AK1: variants seen among roughly 807,000 people sequenced by gnomAD.
AK1 encodes the protein adenylate kinase isoenzyme 1.
Under a neutral mutation model 23.9 loss-of-function variants are expected in AK1, and 13 were observed. That is an observed-to-expected ratio of 0.54 (90% CI 0.35 to 0.86). The LOEUF (loss-of-function observed/expected upper bound fraction) is 0.86. AK1 is among the 40% of genes least tolerant of loss of function. The pLI is 0.01. For synonymous variants in AK1, 97 were observed against 102.8 expected, an observed-to-expected ratio of 0.94 and a Z score of 0.34; for missense variants, 214 against 255.1, an observed-to-expected ratio of 0.84 and a Z score of 1.10.
At chr9:127,876,826 C>T (rs571321082) in intron 1 of AK1, among the ~76,000 whole-genome samples, 2 of 152,322 alleles carry the variant, frequency 1.3e-5, no homozygotes, top group South Asian at 2.1e-4. Context: ...GCCCCTGGGT[C>T]AAGGCCCCAG....
In AK1 at chr9:127,868,612, G is replaced by T; in HGVS notation, c.325-100C>A. ...TGAAGCCCCAGTAGATACCCCCTCA[G>T]ACCTTCAATCCCTTCCCCAAGGCAG... is the stretch of plus-strand genomic sequence containing the variant. On this transcript the variant is annotated intron_variant, in intron 5 of 6. Coordinates refer to ENST00000644144, the MANE Select transcript of AK1 (RefSeq NM_000476.3). This position sits in a 1 kb window ranked among gnomAD's most constrained non-coding sequence, Gnocchi z 4.1. 7.4e-7 allele frequency: 1 copy of T among 1,358,062 alleles called. No individual in the cohort carries two copies. The highest frequency in any genetic ancestry group is 1.0e-6 in the Non-Finnish European group (1 of 983,908). 84.1% of individuals were successfully genotyped at this position (1,358,062 alleles called of 1,614,324 possible).
rs2070690 is a variant in AK1 at position 127,872,973 on chromosome 9, C to T, written c.43+53G>A. On this transcript the variant is annotated intron_variant, in intron 3 of 6. Transcript: ENST00000644144. ...AGGGTGCAGCCCCAGGCCCGGGCTCCCTCCAGTGCCAGTGAAGACCCTTGC... is the reference window on the plus strand; with the variant it reads ...AGGGTGCAGCCCCAGGCCCGGGCTCTCTCCAGTGCCAGTGAAGACCCTTGC... 0.021 allele frequency: 33,148 copies of T among 1,613,678 alleles called. 1,758 individuals are homozygous for T. The East Asian group carries it at 0.25, about 12-fold the overall frequency.
At position 127,872,050 on chromosome 9, in the gene AK1, T is replaced by C. The variant is rs999860360; in HGVS notation, c.208-111A>G. ...TGAAATGCCCTCTCCCCAACACAAATGTCCCAAACAAGCCTCCCCCTCCAG... is the reference window on the plus strand; with the variant it reads ...TGAAATGCCCTCTCCCCAACACAAACGTCCCAAACAAGCCTCCCCCTCCAG... On this transcript the variant is annotated intron_variant, in intron 4 of 6. Coordinates refer to ENST00000644144, the MANE Select transcript of AK1 (RefSeq NM_000476.3). The C allele has an allele frequency of 1.3e-5, 12 of 920,768 alleles. No homozygotes were observed. In the Admixed American group the frequency reaches 1.6e-4, roughly 13 times the overall value. The allele number at this position is 920,768 out of a possible 1,614,324, so 57.0% of individuals were successfully genotyped here.
intron 5 of AK1, among the ~76,000 whole-genome samples, chr9:127,870,070 C>T (rs530910839): frequency 2.6e-5 from 4 of 152,144 alleles, no homozygotes; most frequent in Non-Finnish European, 5.9e-5. Context: ...TCGGTGAAGC[C>T]CTGGCGCCCC....
chr9:127,879,100 C>CACACACACAG (rs759591036), upstream of AK1, among the ~76,000 whole-genome samples: 20 of 145,854 alleles, frequency 1.4e-4, no homozygotes, highest in African/African-American at 4.7e-4. Flanking sequence ...CACACACACA[C>CACACACACAG]AGTCTTCAAA....
At chr9:127,875,976 C>T (rs1829529081) in intron 1 of AK1, among the ~76,000 whole-genome samples, 1 of 152,246 alleles carries the variant, frequency 6.6e-6, no homozygotes, top group Non-Finnish European at 1.5e-5. Context: ...CCACATCACA[C>T]ACCCGCTTAC....
chr9:127,868,645 G>T lies in AK1; in HGVS notation c.325-133C>A. 1 of 1,059,466 alleles carries T rather than the reference G, an allele frequency of 9.4e-7. No homozygotes were observed. 65.6% of individuals were successfully genotyped at this position (1,059,466 alleles called of 1,614,324 possible). The stretch of plus-strand genomic sequence containing the variant: ...ATCCCTTCCCCAAGGCAGCCTGAAA[G>T]ACCTTCCTAAAACCAATCTTTCCTG... On this transcript the variant is annotated intron_variant, in intron 5 of 6. Transcript: ENST00000644144. The surrounding 1 kb of genome is among the most constrained non-coding windows in gnomAD (Gnocchi z 4.1).
chr9:127,870,818 TGG>T (rs1564472162), intron 5 of AK1, among the ~76,000 whole-genome samples: 457 of 17,372 alleles, frequency 0.026, no homozygotes, highest in African/African-American at 0.041. Flanking sequence ...GGCATGGGAA[TGG>T]GGCATGGGAA....
Position 127,867,086 on chromosome 9 carries a change from T to C in AK1, c.*922A>G, listed in dbSNP as rs10987762. 0.13 allele frequency: 20,013 copies of C among 149,958 alleles called. 1,875 individuals are homozygous for C. The highest frequency in any genetic ancestry group is 0.26 in the African/African-American group (10,675 of 40,526). 9.3% of individuals were successfully genotyped at this position (149,958 alleles called of 1,614,324 possible). A position where few individuals can be genotyped will look rare whatever the true frequency, so the allele number is the denominator to read the frequency against. On this transcript the variant is annotated 3_prime_UTR_variant, in exon 7 of 7. Transcript: ENST00000644144. ...AGTGCAGTGGCGCAATCTTGGCTCA[T>C]TGCAAGCTCCACCTCCCGGGTTCAC... is the stretch of plus-strand genomic sequence containing the variant.
chr9:127,869,673 G>A (rs935153027), intron 5 of AK1, among the ~76,000 whole-genome samples: 2 of 152,210 alleles, frequency 1.3e-5, no homozygotes, highest in South Asian at 4.1e-4. Flanking sequence ...AGATGACTCC[G>A]TACCACCCAG....
rs1564475339 is a variant in AK1 at position 127,877,144 on chromosome 9, G to A, written c.-33+479C>T. Among the ~76,000 whole-genome samples, 1 of 152,172 alleles carries A rather than the reference G, an allele frequency of 6.6e-6. No individual in the cohort carries two copies. Among genetic ancestry groups the A allele is most frequent in the Non-Finnish European group, 1.5e-5 (1 of 68,016 alleles). On this transcript the variant is annotated intron_variant, in intron 1 of 6. Coordinates refer to ENST00000644144, the MANE Select transcript of AK1 (RefSeq NM_000476.3). This position sits in a 1 kb window ranked among gnomAD's most constrained non-coding sequence, Gnocchi z 5.2. ...CCCAAGCGCTGGCCCTGGTCAGGAG[G>A]CTAGGGCAAGCTCTGAGCATCCAGG...
chr9:127,871,132 C>T lies in AK1; in HGVS notation c.324+691G>A, dbSNP rs556587405. Among the ~76,000 whole-genome samples, 26 of 151,694 alleles carry T rather than the reference C, an allele frequency of 1.7e-4. No individual in the cohort carries two copies. The highest frequency in any genetic ancestry group is 3.7e-4 in the Non-Finnish European group (25 of 68,034). On this transcript the variant is annotated intron_variant, in intron 5 of 6. Transcript: ENST00000644144. The surrounding 1 kb of genome is among the most constrained non-coding windows in gnomAD (Gnocchi z 4.4). ...GCCTTGTGTGTATGAACTTGTGGGG[C>T]TTGTGCATGTGTATGTGCAAGCGTC...
At position 127,868,208 on chromosome 9, in the gene AK1, G is replaced by T; in HGVS notation, c.516+113C>A. 6.9e-7 allele frequency: 1 copy of T among 1,446,128 alleles called. No individual in the cohort carries two copies. Among genetic ancestry groups the T allele is most frequent in the South Asian group, 1.2e-5 (1 of 83,268 alleles). 89.6% of individuals were successfully genotyped at this position (1,446,128 alleles called of 1,614,324 possible). On this transcript the variant is annotated intron_variant, in intron 6 of 6. Transcript: ENST00000644144. The surrounding 1 kb of genome is among the most constrained non-coding windows in gnomAD (Gnocchi z 4.1). ...GACAGCAGCCCCTCATTGAACCAGTGGGGAAACCAAGGCCCAGAGAGAGGG... is the reference window on the plus strand; with the variant it reads ...GACAGCAGCCCCTCATTGAACCAGTTGGGAAACCAAGGCCCAGAGAGAGGG...
rs1048997300 is a variant in AK1 at position 127,868,167 on chromosome 9, C to T, written c.517-91G>A. ...GCCCCAGAGACCAGGCCTGCCTCCC[C>T]GAGCCCAACCTAATTGACAGCAGCC... On this transcript the variant is annotated intron_variant, in intron 6 of 6. Transcript: ENST00000644144. This position sits in a 1 kb window ranked among gnomAD's most constrained non-coding sequence, Gnocchi z 4.1. 5.8e-5 allele frequency: 87 copies of T among 1,509,294 alleles called. No individual in the cohort carries two copies. The highest frequency in any genetic ancestry group is 7.7e-5 in the Non-Finnish European group (84 of 1,091,806). The allele number at this position is 1,509,294 out of a possible 1,614,324, so 93.5% of individuals were successfully genotyped here. A position where few individuals can be genotyped will look rare whatever the true frequency, so the allele number is the denominator to read the frequency against.
In AK1 at chr9:127,868,595, C is replaced by G; in HGVS notation, c.325-83G>C. ...CCCCATCTTCCCATCTATGAAGCCC[C>G]AGTAGATACCCCCTCAGACCTTCAA... is the stretch of plus-strand genomic sequence containing the variant. On this transcript the variant is annotated intron_variant, in intron 5 of 6. Coordinates refer to ENST00000644144, the MANE Select transcript of AK1 (RefSeq NM_000476.3). This position sits in a 1 kb window ranked among gnomAD's most constrained non-coding sequence, Gnocchi z 4.1. 6.9e-7 allele frequency: 1 copy of G among 1,456,504 alleles called. No individual in the cohort carries two copies. 90.2% of individuals were successfully genotyped at this position (1,456,504 alleles called of 1,614,324 possible).
At position 127,874,607 on chromosome 9, in the gene AK1, A is replaced by G; in HGVS notation, c.7+4T>C. Reference sequence around the variant, plus strand: ...CAATGGGCAAAAGGAGAGGAGGCTCATACCTTCCATCCTGCCGAGGTCCCG... The same window carrying G: ...CAATGGGCAAAAGGAGAGGAGGCTCGTACCTTCCATCCTGCCGAGGTCCCG... On this transcript the variant is annotated splice_donor_region_variant and intron_variant, in intron 2 of 6. Transcript: ENST00000644144. 1 of 1,613,578 alleles carries G rather than the reference A, an allele frequency of 6.2e-7. No homozygotes were observed.
Position 127,867,881 on chromosome 9 carries a change from A to G in AK1, c.*127T>C. 1.1e-6 allele frequency: 1 copy of G among 883,000 alleles called. No individual in the cohort carries two copies. The highest frequency in any genetic ancestry group is 1.9e-6 in the Non-Finnish European group (1 of 533,356). The allele number at this position is 883,000 out of a possible 1,614,324, so 54.7% of individuals were successfully genotyped here. A position where few individuals can be genotyped will look rare whatever the true frequency, so the allele number is the denominator to read the frequency against. On this transcript the variant is annotated 3_prime_UTR_variant, in exon 7 of 7. Coordinates refer to ENST00000644144, the MANE Select transcript of AK1 (RefSeq NM_000476.3). ...TTAGTGCTCAGCTGTCCATGAAAAC[A>G]GGATAAGCGGCTTCCTCCGTCTGTG... is the stretch of plus-strand genomic sequence containing the variant.
At position 127,872,775 on chromosome 9, in the gene AK1, TC is replaced by T; in HGVS notation, c.121del (p.Asp41ThrfsTer51). On this transcript the variant is annotated frameshift_variant, in exon 4 of 7. Transcript: ENST00000644144. LOFTEE classifies it high-confidence loss of function. Reference protein sequence around the residue: ...KYGYTHLSTGDLLRSEVSSGS... With the variant: ...KYGYTHLSTGXLLRSEVSSGS... ...TGAGCTGACCTCGGACCGCAGGAGG[TC>T]CCCGGTGGAGAGGTGGGTGTAGCCA... 1 of 1,613,672 alleles carries T rather than the reference TC, an allele frequency of 6.2e-7. No individual in the cohort carries two copies. The highest frequency in any genetic ancestry group is 8.5e-7 in the Non-Finnish European group (1 of 1,179,950).
chr9:127,870,494 C>T lies in AK1; in HGVS notation c.324+1329G>A, dbSNP rs187270804. Among the ~76,000 whole-genome samples the T allele has an allele frequency of 4.7e-4, 72 of 152,148 alleles. 1 individual carries two copies. Among genetic ancestry groups the T allele is most frequent in the East Asian group, 2.7e-3 (14 of 5,174 alleles). ...GATCTCAGGCGTGAGCCACTGCACC[C>T]GGCCGACTTTCATTAACTCTATTTT... On this transcript the variant is annotated intron_variant, in intron 5 of 6. Coordinates refer to ENST00000644144, the MANE Select transcript of AK1 (RefSeq NM_000476.3).
Sources: gnomAD v4.1 joint callset for allele counts (sites outside exome capture counted in the v4.1 genomes callset) on GRCh38, gnomAD v4.1.1 for gene constraint, Gnocchi (gnomAD v3.1) non-coding constraint, MANE v1.5 for transcripts, NCBI Gene and HGNC (gene_info 2026-07-23, HGNC 2026-07-21) for gene names.